Variants in DMD observed in about 807,000 individuals in gnomAD.
DMD encodes dystrophin.
DMD carries 63 observed loss-of-function variants against 330.1 expected under a neutral mutation model. The ratio of observed to expected loss-of-function variants is 0.19; its 90% CI spans 0.16 to 0.24. The LOEUF (loss-of-function observed/expected upper bound fraction) is 0.24, where lower values mean the gene tolerates loss of function less well. Among genes scored for constraint, DMD ranks in the 10% least tolerant of loss-of-function variants. DMD has a pLI of 1.00. For missense variants in DMD, 3,344 were observed against 2,684.1 expected, an observed-to-expected ratio of 1.25 and a Z score of -5.43; for synonymous variants, 1,223 against 959.8, an observed-to-expected ratio of 1.27 and a Z score of -5.07.
chrX:32,700,494 A>T (rs1477513970), intron 7 of DMD, among the ~76,000 whole-genome samples: 1 of 111,145 alleles, frequency 9.0e-6, no homozygotes. Flanking sequence ...CTATTGTACA[A>T]CCTAGTTTAT....
chrX:32,608,928 T>C (rs1334032075), intron 12 of DMD, among the ~76,000 whole-genome samples: 2 of 111,051 alleles, frequency 1.8e-5, no homozygotes, highest in Non-Finnish European at 1.9e-5. Context: ...CCTTGCTAAA[T>C]ATGAGAGTGA....
rs753192747 is a variant in DMD at position 32,645,464 on chromosome X, G to A, written c.961-312C>T. The stretch of plus-strand genomic sequence containing the variant: ...AAATGCTATAAATATTGATCTGTAG[G>A]AACTTTCCTCATTTCTTATTTATAA... On this transcript the variant is annotated intron_variant, in intron 9 of 78. Transcript: ENST00000357033. Among the ~76,000 whole-genome samples the A allele has an allele frequency of 3.6e-5, 4 of 111,813 alleles. No individual in the cohort carries two copies. In the South Asian group the frequency reaches 1.5e-3, roughly 41 times the overall value.
chrX:31,647,109 G>A (rs1355579185), intron 54 of DMD, among the ~76,000 whole-genome samples: 1 of 111,939 alleles, frequency 8.9e-6, no homozygotes, highest in Non-Finnish European at 1.9e-5. Flanking sequence ...ACTCTTGTCT[G>A]CTATATTTGC....
At chrX:32,280,109 T>A (rs1035951723) in intron 43 of DMD, among the ~76,000 whole-genome samples, 16 of 102,048 alleles carry the variant, frequency 1.6e-4, no homozygotes, top group African/African-American at 4.9e-4. Context: ...TGTTTATATA[T>A]AGTATATATT....
intron 3 of DMD, among the ~76,000 whole-genome samples, chrX:32,848,326 G>A (rs1022933103): frequency 3.6e-5 from 4 of 111,940 alleles, no homozygotes; most frequent in African/African-American, 1.3e-4. Flanking sequence ...CTGTACATAT[G>A]CTACGTATCC....
intron 44 of DMD, among the ~76,000 whole-genome samples, chrX:32,198,456 G>A (rs939199333): frequency 1.2e-4 from 13 of 111,475 alleles, no homozygotes; most frequent in East Asian, 2.8e-4. Flanking sequence ...ATGTTACAAC[G>A]CTATGAAGTT....
intron 47 of DMD, among the ~76,000 whole-genome samples, chrX:31,903,056 A>G (rs1393163927): frequency 4.5e-5 from 5 of 111,591 alleles, no homozygotes; most frequent in Admixed American, 2.9e-4. Context: ...CATCCAATAA[A>G]ATTATAATGA....
intron 19 of DMD, among the ~76,000 whole-genome samples, chrX:32,493,539 T>G (rs1426316257): frequency 8.9e-6 from 1 of 111,778 alleles, no homozygotes; most frequent in Non-Finnish European, 1.9e-5. Context: ...TTTTTGATCG[T>G]TAGATTTTGA....
In DMD at chrX:32,498,352, TAAGA is replaced by T. The variant is rs759676620; in HGVS notation, c.2380+3399_2380+3402del. ...TGTTAGTTCAAACAAAAAATACAGC[TAAGA>T]TAGAGATAAATCAGTTAAAAATTAT... On this transcript the variant is annotated intron_variant, in intron 19 of 78. Transcript: ENST00000357033. 5.4e-5 allele frequency among the ~76,000 whole-genome samples: 6 copies of T among 111,665 alleles called. No homozygotes were observed. In the South Asian group the frequency reaches 2.2e-3, roughly 41 times the overall value.
At chrX:32,561,089 G>A (rs141715755) in intron 16 of DMD, among the ~76,000 whole-genome samples, 322 of 111,336 alleles carry the variant, frequency 2.9e-3, no homozygotes, top group African/African-American at 9.5e-3. Flanking sequence ...CCATGCCAGC[G>A]TCTGTTGTAT....
At chrX:31,665,246 A>G (rs1239549425) in intron 53 of DMD, among the ~76,000 whole-genome samples, 1 of 112,211 alleles carries the variant, frequency 8.9e-6, no homozygotes, top group Non-Finnish European at 1.9e-5. Context: ...TGATGATTAT[A>G]GCATGACTGG....
chrX:32,505,242 C>T (rs1056654738), intron 18 of DMD, among the ~76,000 whole-genome samples: 9 of 111,919 alleles, frequency 8.0e-5, no homozygotes, highest in African/African-American at 2.9e-4. Context: ...AAGCCACAGG[C>T]TCAAAGAAAA....
At chrX:31,709,553 C>A (rs1215026900) in intron 52 of DMD, among the ~76,000 whole-genome samples, 4 of 90,596 alleles carry the variant, frequency 4.4e-5, no homozygotes, top group African/African-American at 1.7e-4. Context: ...TGTTATTGTA[C>A]AGCTCTCTCT....
At chrX:31,708,012 C>A (rs1400129159) in intron 52 of DMD, among the ~76,000 whole-genome samples, 1 of 111,702 alleles carries the variant, frequency 9.0e-6, no homozygotes, top group Non-Finnish European at 1.9e-5. Flanking sequence ...ATGTTCCAGA[C>A]AGTAGAAACA....
At chrX:31,406,896 G>A (rs751009097) in intron 60 of DMD, among the ~76,000 whole-genome samples, 2 of 111,530 alleles carry the variant, frequency 1.8e-5, no homozygotes, top group African/African-American at 6.5e-5. Context: ...CATTTACAAA[G>A]GCACATTTAA....
intron 1 of DMD, among the ~76,000 whole-genome samples, chrX:33,241,124 A>C (rs1603423899): frequency 9.0e-6 from 1 of 111,372 alleles, no homozygotes; most frequent in African/African-American, 3.3e-5. Context: ...ATATCCAGAA[A>C]ATTTTTGCCC....
intron 12 of DMD, 80 bp downstream of exon 12, chrX:32,614,223 G>T: frequency 1.0e-6 from 1 of 960,955 alleles, no homozygotes. Context: ...CATCAACCAT[G>T]TCATCTGTGT....
intron 57 of DMD, among the ~76,000 whole-genome samples, chrX:31,487,324 G>A (rs373319668): frequency 4.5e-4 from 49 of 108,111 alleles, no homozygotes; most frequent in African/African-American, 1.5e-3. Flanking sequence ...AGTGGTGCGC[G>A]ATCTCGGCTC....
At chrX:33,271,423 C>G (rs1002490483) in intron 1 of DMD, among the ~76,000 whole-genome samples, 1 of 110,140 alleles carries the variant, frequency 9.1e-6, no homozygotes, top group African/African-American at 3.3e-5. Context: ...ATCTGTCTAT[C>G]CTAGAATCTC....
Sources: allele counts gnomAD v4.1 joint callset (sites outside exome capture counted in the v4.1 genomes callset), GRCh38; gene constraint gnomAD v4.1.1; transcripts MANE v1.5; gene names NCBI Gene and HGNC (gene_info 2026-07-23, HGNC 2026-07-21).